The following CAPZB variants were observed in gnomAD, a reference collection of about 807,000 sequenced individuals.
CAPZB encodes capping actin protein of muscle Z-line subunit beta.
In CAPZB, 2 loss-of-function variants were observed where a neutral mutation model predicts 38.1. That is an observed-to-expected ratio of 0.05 (90% CI 0.02 to 0.17). The LOEUF (loss-of-function observed/expected upper bound fraction) is 0.17, where lower values mean the gene tolerates loss of function less well. Ranked by LOEUF, CAPZB falls within the 10% of genes least tolerant of loss-of-function variation. The pLI is 1.00. For synonymous variants in CAPZB, 107 were observed against 127.4 expected, an observed-to-expected ratio of 0.84 and a Z score of 1.08; for missense variants, 161 against 334.2, an observed-to-expected ratio of 0.48 and a Z score of 4.04.
chr1:19,366,256 G>A (rs1013412815), intron 4 of CAPZB, among the ~76,000 whole-genome samples: 1 of 143,460 alleles, frequency 7.0e-6, no homozygotes, highest in Non-Finnish European at 1.5e-5. Context: ...AGACCAGCCT[G>A]GGCAACATAG....
At chr1:19,409,439 C>G (rs538076217) in intron 2 of CAPZB, among the ~76,000 whole-genome samples, 1 of 151,062 alleles carries the variant, frequency 6.6e-6, no homozygotes, top group South Asian at 2.2e-4. Flanking sequence ...GCACTTCTAA[C>G]TACTAGTGAG....
chr1:19,365,233 C>T (rs2094076983), intron 4 of CAPZB, among the ~76,000 whole-genome samples: 1 of 152,166 alleles, frequency 6.6e-6, no homozygotes, highest in South Asian at 2.1e-4. Context: ...TATCACTTTC[C>T]ACTCAAATCT....
At chr1:19,409,107 T>C (rs888992474) in intron 2 of CAPZB, among the ~76,000 whole-genome samples, 1 of 152,160 alleles carries the variant, frequency 6.6e-6, no homozygotes, top group African/African-American at 2.4e-5. Flanking sequence ...CCAAAGCACA[T>C]TCCTTGAACG....
intron 1 of CAPZB, among the ~76,000 whole-genome samples, chr1:19,428,560 TA>T (rs913007819): frequency 3.3e-5 from 5 of 152,198 alleles, no homozygotes; most frequent in African/African-American, 4.8e-5. Context: ...GTCTCTCCTT[TA>T]AAAAAATTCT....
At chr1:19,365,680 C>A (rs141009712) in intron 4 of CAPZB, among the ~76,000 whole-genome samples, 1 of 151,898 alleles carries the variant, frequency 6.6e-6, no homozygotes, top group African/African-American at 2.4e-5. Context: ...AAAAAACACA[C>A]AAAATTAGTC....
chr1:19,406,529 G>C (rs2094333214), intron 2 of CAPZB, among the ~76,000 whole-genome samples: 1 of 152,154 alleles, frequency 6.6e-6, no homozygotes, highest in Non-Finnish European at 1.5e-5. Context: ...CCATCCTCTG[G>C]TGACCTGCAG....
intron 2 of CAPZB, among the ~76,000 whole-genome samples, chr1:19,404,785 C>A (rs558571601): frequency 3.3e-5 from 5 of 152,152 alleles, no homozygotes; most frequent in African/African-American, 7.2e-5. Context: ...TGGATTCCAG[C>A]CGCTCCTGTC....
intron 1 of CAPZB, among the ~76,000 whole-genome samples, chr1:19,438,308 T>C (rs996593046): frequency 2.0e-5 from 3 of 152,154 alleles, no homozygotes; most frequent in East Asian, 1.9e-4. Context: ...GCCATCCAGT[T>C]GTGCACTTCA....
chr1:19,364,880 T>G (rs2094074854), intron 4 of CAPZB, among the ~76,000 whole-genome samples: 1 of 152,120 alleles, frequency 6.6e-6, no homozygotes, highest in African/African-American at 2.4e-5. Flanking sequence ...AGGGTCTCGT[T>G]CTCTTGCCCA....
chr1:19,467,219 G>A (rs2094571935), intron 1 of CAPZB, among the ~76,000 whole-genome samples: 2 of 152,124 alleles, frequency 1.3e-5, no homozygotes, highest in Admixed American at 1.3e-4. Flanking sequence ...TTTAAGGAAA[G>A]CCTCAAATAA....
chr1:19,357,537 A>T lies in CAPZB; in HGVS notation c.356T>A (p.Val119Asp). The T allele has an allele frequency of 6.2e-7, 1 of 1,614,070 alleles. No individual in the cohort carries two copies. Among genetic ancestry groups the T allele is most frequent in the Non-Finnish European group, 8.5e-7 (1 of 1,180,012 alleles). ...DLYFEGGVSS[V>D]YLWDLDHGFA... ...GCCATGATCCAGATCCCAGAGGTAG[A>T]CAGATGAGACGCCACCTTCAAAATA... Residue 119 changes from valine (V) to aspartate (D), a missense_variant, in exon 5 of 9, where the codon GTC becomes GAC. Coordinates refer to ENST00000264202, the MANE Select transcript of CAPZB (RefSeq NM_004930.5). The surrounding 1 kb of genome is among the most constrained non-coding windows in gnomAD (Gnocchi z 4.3).
At chr1:19,345,141 C>T (rs1442184057) in intron 7 of CAPZB, 46 bp downstream of exon 7, 3 of 1,485,828 alleles carry the variant, frequency 2.0e-6, no homozygotes, top group Admixed American at 3.3e-5. Flanking sequence ...TGCAGTGTCA[C>T]TGCTGTGGGT....
intron 4 of CAPZB, among the ~76,000 whole-genome samples, chr1:19,359,097 A>T (rs2094038019): frequency 6.6e-6 from 1 of 152,224 alleles, no homozygotes; most frequent in Admixed American, 6.5e-5. Context: ...ATGTAAAATT[A>T]AGTACTAGAA....
At position 19,344,408 on chromosome 1, in the gene CAPZB, C is replaced by A; in HGVS notation, c.681G>T (p.Thr227=). 1 of 1,614,110 alleles carries A rather than the reference C, an allele frequency of 6.2e-7. No individual in the cohort carries two copies. Residue 227 remains threonine, a synonymous_variant, in exon 8 of 9, where the codon ACG becomes ACT. Transcript: ENST00000264202. ...VEDMENKIRS[T]LNEIYFGKTK... is the part of the protein sequence containing the mutation. ...TTTTTCCAAAGTAGATCTCGTTCAG[C>A]GTACTTCTGATTTTATTTTCCATGT...
intron 2 of CAPZB, among the ~76,000 whole-genome samples, chr1:19,414,934 C>G (rs1439582032): frequency 6.6e-6 from 1 of 152,226 alleles, no homozygotes. Context: ...GGTCATTTCC[C>G]ACCAATCAGA....
Position 19,345,244 on chromosome 1 carries a change from C to T in CAPZB, c.597G>A (p.Lys199=), listed in dbSNP as rs1172609400. ...GGGAGCAGTCACTCACAGTTTCATCCTTCTCCATCTGCAAAAGACAGAAAC... is the reference window on the plus strand; with the variant it reads ...GGGAGCAGTCACTCACAGTTTCATCTTTCTCCATCTGCAAAAGACAGAAAC... ...LGGSLTRQME[K]DETVSDCSPH... The change falls in exon 7 of 9, where the codon AAG becomes AAA. Residue 199 remains lysine, a synonymous_variant. Coordinates refer to ENST00000264202, the MANE Select transcript of CAPZB (RefSeq NM_004930.5). The T allele has an allele frequency of 6.2e-7, 1 of 1,613,506 alleles. No individual in the cohort carries two copies. The highest frequency in any genetic ancestry group is 1.1e-5 in the South Asian group (1 of 91,080).
intron 6 of CAPZB, among the ~76,000 whole-genome samples, chr1:19,351,305 ATTTG>A (rs991027289): frequency 6.6e-6 from 1 of 151,034 alleles, no homozygotes; most frequent in African/African-American, 2.4e-5. Flanking sequence ...TTTTAATAAA[ATTTG>A]TTTATTATGT....
At position 19,441,140 on chromosome 1, in the gene CAPZB, A is replaced by C. The variant is rs146013179; in HGVS notation, c.4-21390T>G. ...CAGAAAGTCCACGAAATTTGAAAAT[A>C]TACATCATATAAACGTAAGCAAGGC... On this transcript the variant is annotated intron_variant, in intron 1 of 8. Transcript: ENST00000264202. Among the ~76,000 whole-genome samples, 370 of 152,374 alleles carry C rather than the reference A, an allele frequency of 2.4e-3. 2 individuals carry two copies. Among genetic ancestry groups the C allele is most frequent in the Non-Finnish European group, 3.7e-3 (252 of 68,036 alleles).
chr1:19,376,232 C>A (rs754073353), intron 4 of CAPZB, among the ~76,000 whole-genome samples: 10 of 152,160 alleles, frequency 6.6e-5, no homozygotes, highest in Admixed American at 3.3e-4. Flanking sequence ...GGCCAGGCAA[C>A]TTCCTCAGGC....
Sources: gnomAD v4.1 joint callset for allele counts (sites outside exome capture counted in the v4.1 genomes callset) on GRCh38, gnomAD v4.1.1 for gene constraint, Gnocchi (gnomAD v3.1) non-coding constraint, MANE v1.5 for transcripts, NCBI Gene and HGNC (gene_info 2026-07-23, HGNC 2026-07-21) for gene names.